Variants in ARL15 observed in about 807,000 individuals in gnomAD.
ARL15 encodes ADP-ribosylation factor-like protein 15.
Under a neutral mutation model 25.2 loss-of-function variants are expected in ARL15, and 19 were observed. That is an observed-to-expected ratio of 0.75 (90% CI 0.53 to 1.10). The LOEUF is 1.10. Ranked by LOEUF, ARL15 falls within the 50% of genes least tolerant of loss-of-function variation. The probability of loss-of-function intolerance (pLI) is 0.00; values close to 1 mark genes in which losing one functional copy is unlikely to be tolerated. For synonymous variants in ARL15, 94 were observed against 86.8 expected, an observed-to-expected ratio of 1.08 and a Z score of -0.46; for missense variants, 220 against 246.0, an observed-to-expected ratio of 0.89 and a Z score of 0.71.
intron 4 of ARL15, among the ~76,000 whole-genome samples, chr5:54,058,806 T>C (rs1328341240): frequency 6.6e-6 from 1 of 152,050 alleles, no homozygotes; most frequent in African/African-American, 2.4e-5. Flanking sequence ...AGAGGAGTGA[T>C]ATCATCTAAC....
chr5:53,972,659 C>T (rs1263030177), intron 4 of ARL15, among the ~76,000 whole-genome samples: 1 of 152,044 alleles, frequency 6.6e-6, no homozygotes, highest in African/African-American at 2.4e-5. Flanking sequence ...CTTCTAGAGA[C>T]TTTAGAGCCA....
At chr5:53,942,318 T>C (rs1345441748) in intron 4 of ARL15, among the ~76,000 whole-genome samples, 1 of 152,056 alleles carries the variant, frequency 6.6e-6, no homozygotes, top group Non-Finnish European at 1.5e-5. Flanking sequence ...ACCTTAAATG[T>C]AAGATGGCAT....
intron 1 of ARL15, among the ~76,000 whole-genome samples, chr5:54,293,828 CTT>C (rs10560291): frequency 0.21 from 31,827 of 148,304 alleles, 3,772 homozygotes; most frequent in African/African-American, 0.34. Flanking sequence ...TCATATCATC[CTT>C]TTTTTTTTTA....
chr5:54,161,002 T>C (rs571430328), intron 2 of ARL15, among the ~76,000 whole-genome samples: 1 of 152,258 alleles, frequency 6.6e-6, no homozygotes, highest in East Asian at 1.9e-4. Flanking sequence ...TAAAGTACAC[T>C]GTTATTCTTA....
intron 4 of ARL15, among the ~76,000 whole-genome samples, chr5:54,074,717 G>A (rs941769939): frequency 3.3e-5 from 5 of 152,092 alleles, no homozygotes; most frequent in African/African-American, 1.2e-4. Flanking sequence ...ATTAGAGGCA[G>A]AGTGAAAAAT....
At chr5:54,055,584 C>T (rs1242509028) in intron 4 of ARL15, among the ~76,000 whole-genome samples, 1 of 152,076 alleles carries the variant, frequency 6.6e-6, no homozygotes, top group East Asian at 1.9e-4. Context: ...TGGTCTCAAA[C>T]TCCTGAACTC....
intron 4 of ARL15, among the ~76,000 whole-genome samples, chr5:53,960,112 A>G (rs547904650): frequency 6.6e-6 from 1 of 152,278 alleles, no homozygotes; most frequent in East Asian, 1.9e-4. Context: ...GTCAAAGGAG[A>G]TTAAAATGGG....
intron 4 of ARL15, among the ~76,000 whole-genome samples, chr5:54,091,208 G>A (rs1211092986): frequency 6.6e-6 from 1 of 152,126 alleles, no homozygotes; most frequent in Non-Finnish European, 1.5e-5. Context: ...TCTAAATTGT[G>A]CTATTGAGAG....
At chr5:54,193,908 A>T (rs188313225) in intron 1 of ARL15, among the ~76,000 whole-genome samples, 2,317 of 152,180 alleles carry the variant, frequency 0.015, 20 homozygotes, top group Middle Eastern at 0.044. Flanking sequence ...GAATTTTTTT[A>T]AAAAACTGAA....
chr5:54,070,761 C>A (rs763797894), intron 4 of ARL15, among the ~76,000 whole-genome samples: 1 of 151,920 alleles, frequency 6.6e-6, no homozygotes, highest in Non-Finnish European at 1.5e-5. Flanking sequence ...ACGAGAATCA[C>A]ATGAACCCAG....
intron 1 of ARL15, among the ~76,000 whole-genome samples, chr5:54,235,899 A>T (rs1756791766): frequency 6.6e-6 from 1 of 152,234 alleles, no homozygotes; most frequent in South Asian, 2.1e-4. Context: ...CAAAATAATC[A>T]AATATGGAAT....
chr5:53,897,669 T>A (rs1229281616), intron 4 of ARL15, among the ~76,000 whole-genome samples: 1 of 152,266 alleles, frequency 6.6e-6, no homozygotes, highest in Non-Finnish European at 1.5e-5. Context: ...AACATGACTG[T>A]ATGATTTTTA....
chr5:54,167,435 C>CA (rs1055291079), intron 2 of ARL15, among the ~76,000 whole-genome samples: 29 of 152,206 alleles, frequency 1.9e-4, no homozygotes, highest in Admixed American at 1.2e-3. Flanking sequence ...CTGGGACAAT[C>CA]ACAGAGCACA....
chr5:54,171,796 C>A lies in ARL15; in HGVS notation c.181G>T (p.Val61Leu), dbSNP rs371907880. 3.1e-6 allele frequency: 5 copies of A among 1,612,556 alleles called. No homozygotes were observed. The highest frequency in any genetic ancestry group is 2.2e-5 in the South Asian group (2 of 90,812). Residue 61 changes from valine to leucine, a missense_variant, in exon 2 of 5, where the codon GTG (valine) becomes TTG (leucine). By Grantham distance (32) the Val-to-Leu change is conservative. Transcript: ENST00000504924. Reference protein sequence around the residue: ...KLCSESPDNVVSTTGFSIKAV... With the variant: ...KLCSESPDNVLSTTGFSIKAV... Reference sequence around the variant, plus strand: ...GCACAGTACCCACCTGTGGTCGACACGACGTTATCGGGGCTTTCACTGCAG... The same window carrying A: ...GCACAGTACCCACCTGTGGTCGACAAGACGTTATCGGGGCTTTCACTGCAG...
chr5:53,977,283 G>C (rs1747964687), intron 4 of ARL15, among the ~76,000 whole-genome samples: 1 of 150,726 alleles, frequency 6.6e-6, no homozygotes, highest in Non-Finnish European at 1.5e-5. Context: ...GTGAACCCGG[G>C]AGGCGGAGCT....
At chr5:54,202,448 CT>C (rs1173124757) in intron 1 of ARL15, among the ~76,000 whole-genome samples, 7 of 152,126 alleles carry the variant, frequency 4.6e-5, no homozygotes, top group Admixed American at 4.6e-4. Context: ...CTAATCACTG[CT>C]GGCTTTGAAA....
At chr5:54,233,263 T>A (rs1756721090) in intron 1 of ARL15, among the ~76,000 whole-genome samples, 1 of 152,202 alleles carries the variant, frequency 6.6e-6, no homozygotes, top group Admixed American at 6.5e-5. Context: ...AACTAACTTC[T>A]CTTTTCATGG....
intron 1 of ARL15, among the ~76,000 whole-genome samples, chr5:54,276,894 A>G (rs1302832972): frequency 6.6e-6 from 1 of 152,216 alleles, no homozygotes; most frequent in African/African-American, 2.4e-5. Context: ...ATGGATTCCT[A>G]CCCAGAACGT....
chr5:53,898,640 G>A (rs1050030811), intron 4 of ARL15, among the ~76,000 whole-genome samples: 1 of 150,230 alleles, frequency 6.7e-6, no homozygotes, highest in African/African-American at 2.5e-5. Context: ...TTTGGTTTGG[G>A]TTCCACCCGC....
Sources: allele counts gnomAD v4.1 joint callset (sites outside exome capture counted in the v4.1 genomes callset), GRCh38; gene constraint gnomAD v4.1.1; transcripts MANE v1.5; gene names NCBI Gene and HGNC (gene_info 2026-07-23, HGNC 2026-07-21).